Variants in CLEC16A observed in about 807,000 individuals in gnomAD.
CLEC16A encodes C-type lectin domain containing 16A.
A neutral mutation model predicts 109.5 loss-of-function variants in CLEC16A; 51 were observed. The ratio of observed to expected loss-of-function variants is 0.47; its 90% CI spans 0.37 to 0.59. CLEC16A has a LOEUF of 0.59. Ranked by LOEUF, CLEC16A falls within the 20% of genes least tolerant of loss-of-function variation. The pLI is 0.00. For synonymous variants in CLEC16A, 673 were observed against 564.2 expected (o/e 1.19, Z -2.73); for missense variants, 1,339 against 1,394.0 (o/e 0.96, Z 0.63).
At chr16:10,958,847 T>A (rs117978293) in intron 2 of CLEC16A, among the ~76,000 whole-genome samples, 3,039 of 152,230 alleles carry the variant, frequency 0.02, 50 homozygotes, top group Non-Finnish European at 0.03. Flanking sequence ...CAGGCTGCAA[T>A]GAGCCATGAT....
rs766651766 is a variant in CLEC16A at position 11,024,879 on chromosome 16, C to G, written c.1495C>G (p.Leu499Val). The change falls in exon 13 of 24, where the codon CTG becomes GTG. Residue 499 changes from leucine to valine, a missense_variant. By Grantham distance (32) the Leu-to-Val change is conservative. Coordinates refer to ENST00000409790, the MANE Select transcript of CLEC16A (RefSeq NM_015226.3). ...LDSPDDDYHA[L>V]FVLCLLYAMS... ...CAGCCCGGATGATGATTACCATGCC[C>G]TGTTCGTGCTCTGCCTCCTCTATGC... The G allele has an allele frequency of 1.7e-5, 28 of 1,610,230 alleles. No homozygotes were observed. Among genetic ancestry groups the G allele is most frequent in the Non-Finnish European group, 2.2e-5 (26 of 1,178,322 alleles).
intron 19 of CLEC16A, among the ~76,000 whole-genome samples, chr16:11,095,817 GAAAAAA>G (rs34366897): frequency 9.4e-5 from 10 of 105,874 alleles, no homozygotes; most frequent in African/African-American, 2.8e-4. Context: ...GTCTCAAAAA[GAAAAAA>G]AAAAAAAAAA....
At chr16:10,960,129 C>T (rs2042187314) in intron 2 of CLEC16A, among the ~76,000 whole-genome samples, 1 of 152,174 alleles carries the variant, frequency 6.6e-6, no homozygotes, top group Admixed American at 6.5e-5. Flanking sequence ...TTGTAAGTGT[C>T]TTACATTACT....
At chr16:11,064,906 T>C (rs2048682101) in intron 19 of CLEC16A, among the ~76,000 whole-genome samples, 1 of 152,256 alleles carries the variant, frequency 6.6e-6, no homozygotes, top group Non-Finnish European at 1.5e-5. Context: ...AGTTGGCTGC[T>C]TCCCTGCTGC....
intron 19 of CLEC16A, among the ~76,000 whole-genome samples, chr16:11,097,023 C>T (rs892722135): frequency 2.0e-5 from 3 of 152,186 alleles, no homozygotes; most frequent in Admixed American, 6.5e-5. Flanking sequence ...AACATGCCAC[C>T]ATGAGGGCCT....
intron 19 of CLEC16A, among the ~76,000 whole-genome samples, chr16:11,082,802 C>T (rs915086928): frequency 1.3e-5 from 2 of 152,226 alleles, no homozygotes; most frequent in Non-Finnish European, 2.9e-5. Flanking sequence ...CCATATTTGG[C>T]AAATCTGTAC....
intron 10 of CLEC16A, among the ~76,000 whole-genome samples, chr16:10,985,214 A>ATATATAT (rs1202404600): frequency 8.9e-6 from 1 of 112,408 alleles, no homozygotes; most frequent in Admixed American, 8.1e-5. Context: ...AAAAAAAAAA[A>ATATATAT]AAAAAAATAT....
intron 22 of CLEC16A, among the ~76,000 whole-genome samples, chr16:11,161,113 TC>T (rs2054706969): frequency 6.6e-6 from 1 of 152,230 alleles, no homozygotes; most frequent in African/African-American, 2.4e-5. Context: ...TTTTAAGCCT[TC>T]CCAATAAAGT....
At chr16:10,965,751 AG>A (rs1271328746) in intron 3 of CLEC16A, among the ~76,000 whole-genome samples, 1 of 152,220 alleles carries the variant, frequency 6.6e-6, no homozygotes, top group Non-Finnish European at 1.5e-5. Context: ...CCACACAGTG[AG>A]GGGGTAGTAG....
At chr16:11,175,211 T>G (rs2068698410) in intron 23 of CLEC16A, among the ~76,000 whole-genome samples, 1 of 152,242 alleles carries the variant, frequency 6.6e-6, no homozygotes, top group South Asian at 2.1e-4. Flanking sequence ...GATCAGTTTC[T>G]GAGGTGCTGG....
chr16:10,959,564 G>C (rs896552641), intron 2 of CLEC16A, among the ~76,000 whole-genome samples: 2 of 145,756 alleles, frequency 1.4e-5, no homozygotes, highest in Non-Finnish European at 3.1e-5. Context: ...GCTAATTTTT[G>C]TATTTTTAGT....
chr16:10,953,783 TG>T (rs1288763625), intron 1 of CLEC16A, among the ~76,000 whole-genome samples: 1 of 152,218 alleles, frequency 6.6e-6, no homozygotes, highest in Admixed American at 6.5e-5. Context: ...GAGACCATCC[TG>T]GCTAATACAG....
At position 11,073,214 on chromosome 16, in the gene CLEC16A, C is replaced by T. The variant is rs142938605; in HGVS notation, c.2116+12192C>T. Among the ~76,000 whole-genome samples the T allele has an allele frequency of 2.4e-4, 36 of 152,286 alleles. No homozygotes were observed. In the East Asian group the frequency reaches 3.1e-3, roughly 13 times the overall value. ...TTGGCCTGTTCTCTGCCCCCACCCCCGGGGTCCCGTGTTTTTGTCTTTAAA... is the reference window on the plus strand; with the variant it reads ...TTGGCCTGTTCTCTGCCCCCACCCCTGGGGTCCCGTGTTTTTGTCTTTAAA... On this transcript the variant is annotated intron_variant, in intron 19 of 23. Transcript: ENST00000409790.
intron 2 of CLEC16A, among the ~76,000 whole-genome samples, chr16:10,962,219 G>T (rs1294433319): frequency 6.6e-6 from 1 of 152,148 alleles, no homozygotes; most frequent in Non-Finnish European, 1.5e-5. Flanking sequence ...AAAGTACTGG[G>T]ATTGCAGGCA....
chr16:11,066,098 C>T (rs534204808), intron 19 of CLEC16A, among the ~76,000 whole-genome samples: 6 of 152,136 alleles, frequency 3.9e-5, no homozygotes, highest in Non-Finnish European at 8.8e-5. Context: ...TTGCTGCCTT[C>T]TGCTTGCCAG....
chr16:11,016,979 G>A (rs546399935), intron 11 of CLEC16A, among the ~76,000 whole-genome samples: 2 of 136,276 alleles, frequency 1.5e-5, no homozygotes, highest in African/African-American at 5.3e-5. Flanking sequence ...CATAGGGCCG[G>A]GGCCCATGTG....
chr16:11,167,011 T>C (rs1310493072), intron 23 of CLEC16A, among the ~76,000 whole-genome samples: 1 of 152,188 alleles, frequency 6.6e-6, no homozygotes, highest in Non-Finnish European at 1.5e-5. Flanking sequence ...GGCACGCACT[T>C]TGCCACTCTT....
At chr16:10,957,615 G>A (rs763233458) in intron 1 of CLEC16A, among the ~76,000 whole-genome samples, 167 bp from the exon 2 acceptor site, 4 of 152,188 alleles carry the variant, frequency 2.6e-5, no homozygotes, top group Non-Finnish European at 4.4e-5. Flanking sequence ...AGCATTGTCT[G>A]CTATTTTTCT....
At chr16:11,118,087 G>A (rs889014926) in intron 19 of CLEC16A, among the ~76,000 whole-genome samples, 1 of 151,550 alleles carries the variant, frequency 6.6e-6, no homozygotes, top group African/African-American at 2.4e-5. Context: ...CAGTCCTCCC[G>A]CATCAGCCTC....
Sources: allele counts gnomAD v4.1 joint callset (sites outside exome capture counted in the v4.1 genomes callset), GRCh38; gene constraint gnomAD v4.1.1; transcripts MANE v1.5; gene names NCBI Gene and HGNC (gene_info 2026-07-23, HGNC 2026-07-21).